MYO18B: variants seen among roughly 807,000 people sequenced by gnomAD.
MYO18B encodes unconventional myosin-XVIIIb.
A neutral mutation model predicts 273.0 loss-of-function variants in MYO18B; 204 were observed. The observed-to-expected ratio is 0.75, with a 90% CI of 0.67 to 0.84. The LOEUF is 0.84. Ranked by LOEUF, MYO18B falls within the 40% of genes least tolerant of loss-of-function variation. The pLI, the probability that MYO18B is intolerant of heterozygous loss-of-function variation, is 0.00. For missense variants in MYO18B, 3,212 were observed against 3,287.6 expected (o/e 0.98, Z 0.56); for synonymous variants, 1,330 against 1,305.7 (o/e 1.02, Z -0.40).
At chr22:25,876,537 C>T (rs1344480605) in intron 24 of MYO18B, among the ~76,000 whole-genome samples, 1 of 152,176 alleles carries the variant, frequency 6.6e-6, no homozygotes, top group Admixed American at 6.5e-5. Context: ...CCTCTCTAGG[C>T]TGTGGGTGTT....
chr22:25,812,088 G>A (rs2088786943), intron 12 of MYO18B, among the ~76,000 whole-genome samples: 1 of 150,378 alleles, frequency 6.6e-6, no homozygotes, highest in South Asian at 2.2e-4. Context: ...CACAAAGCTG[G>A]ACTCTCTGTC....
chr22:25,879,953 G>A (rs982226689), intron 25 of MYO18B, among the ~76,000 whole-genome samples: 17 of 152,102 alleles, frequency 1.1e-4, no homozygotes, highest in African/African-American at 1.2e-4. Context: ...GAACAGCAAG[G>A]GGGAAATCTG....
Position 25,763,303 on chromosome 22 carries a change from A to G in MYO18B, c.112A>G (p.Ile38Val), listed in dbSNP as rs746711853. 24 of 1,613,208 alleles carry G rather than the reference A, an allele frequency of 1.5e-5. No homozygotes were observed. Among genetic ancestry groups the G allele is most frequent in the Middle Eastern group, 3.3e-4 (2 of 6,044 alleles). ...TTTCTCTGTCATCCCAGGGGGCTTC[A>G]TTAAGCAACTGGTCCGGGGGACTGA... ...PLFSVIPGGF[I>V]KQLVRGTEKE... Residue 38 changes from isoleucine (I) to valine (V), a missense_variant, in exon 3 of 44, where the codon ATT (isoleucine) becomes GTT (valine). Transcript: ENST00000335473.
At chr22:26,061,713 C>G in the MYO18B span, among the ~76,000 whole-genome samples, 1 of 151,642 alleles carries the variant, frequency 6.6e-6, no homozygotes, top group Non-Finnish European at 1.5e-5. Flanking sequence ...TCTTCTGATG[C>G]TCTTTGCTTG....
intron 12 of MYO18B, among the ~76,000 whole-genome samples, chr22:25,822,276 T>C (rs2089311358): frequency 6.6e-6 from 1 of 152,212 alleles, no homozygotes; most frequent in Non-Finnish European, 1.5e-5. Flanking sequence ...TTCTCACCTT[T>C]CATAGCTCAG....
chr22:25,915,769 G>A (rs941733496), intron 33 of MYO18B, among the ~76,000 whole-genome samples: 1 of 152,120 alleles, frequency 6.6e-6, no homozygotes, highest in African/African-American at 2.4e-5. Flanking sequence ...TTAGTCATAT[G>A]TTTTCAATAC....
chr22:25,771,319 A>T (rs937466034), intron 6 of MYO18B, among the ~76,000 whole-genome samples: 1 of 152,186 alleles, frequency 6.6e-6, no homozygotes, highest in African/African-American at 2.4e-5. Flanking sequence ...GATATTGCAA[A>T]TCATACTACA....
At chr22:26,053,763 A>G in the MYO18B span, among the ~76,000 whole-genome samples, 1 of 152,192 alleles carries the variant, frequency 6.6e-6, no homozygotes, top group Non-Finnish European at 1.5e-5. Flanking sequence ...GATGCTCAAG[A>G]GACTGAGTCC....
intron 39 of MYO18B, among the ~76,000 whole-genome samples, chr22:25,956,320 ATTCTCGTGGCTCAGC>A (rs1456619865): frequency 6.7e-6 from 1 of 150,370 alleles, no homozygotes; most frequent in Non-Finnish European, 1.5e-5. Context: ...GGTTCAAGCG[ATTCTCGTGGCTCAGC>A]TTCCTGAGTA....
chr22:25,982,131 C>T (rs1370339870), intron 39 of MYO18B, among the ~76,000 whole-genome samples: 1 of 152,124 alleles, frequency 6.6e-6, no homozygotes, highest in Non-Finnish European at 1.5e-5. Context: ...AAGGGGAAAT[C>T]CACCCCCATG....
At chr22:25,882,884 A>G (rs2091384847) in intron 25 of MYO18B, among the ~76,000 whole-genome samples, 1 of 151,964 alleles carries the variant, frequency 6.6e-6, no homozygotes, top group African/African-American at 2.4e-5. Context: ...CTCTTTTTTA[A>G]TTAGTTAATT....
At chr22:25,976,958 A>G (rs1244483493) in intron 39 of MYO18B, among the ~76,000 whole-genome samples, 2 of 152,188 alleles carry the variant, frequency 1.3e-5, no homozygotes. Flanking sequence ...ATGATAGATA[A>G]TTATCTCCTA....
At chr22:25,888,885 G>A (rs557148059) in intron 25 of MYO18B, among the ~76,000 whole-genome samples, 4 of 152,364 alleles carry the variant, frequency 2.6e-5, no homozygotes, top group Non-Finnish European at 5.9e-5. Flanking sequence ...GGCTGGAGAA[G>A]TGAAACAGAT....
At chr22:26,046,348 G>A in the MYO18B span, among the ~76,000 whole-genome samples, 1 of 152,150 alleles carries the variant, frequency 6.6e-6, no homozygotes, top group South Asian at 2.1e-4. Context: ...GGGAGAGAAG[G>A]CAATTTCACC....
At position 26,027,771 on chromosome 22, in the gene MYO18B, T is replaced by A; in HGVS notation, c.*12+81T>A. 1 of 1,392,388 alleles carries A rather than the reference T, an allele frequency of 7.2e-7. No homozygotes were observed. The highest frequency in any genetic ancestry group is 2.5e-5 in the East Asian group (1 of 40,012). 86.3% of individuals were successfully genotyped at this position (1,392,388 alleles called of 1,614,324 possible). A position where few individuals can be genotyped will look rare whatever the true frequency, so the allele number is the denominator to read the frequency against. ...TTGGGGAGAGCAGGTGCCACTACTG[T>A]CCTTAATGCCACAACCGATTTCTCT... On this transcript the variant is annotated intron_variant, in intron 43 of 43. Transcript: ENST00000335473. The surrounding 1 kb of genome is among the most constrained non-coding windows in gnomAD (Gnocchi z 4.1).
At position 26,027,167 on chromosome 22, in the gene MYO18B, A is replaced by G; in HGVS notation, c.7193A>G (p.Asp2398Gly). 2 of 1,613,846 alleles carry G rather than the reference A, an allele frequency of 1.2e-6. No homozygotes were observed. The highest frequency in any genetic ancestry group is 1.7e-6 in the Non-Finnish European group (2 of 1,179,850). Reference sequence around the variant, plus strand: ...TCTGTGGACGATGCGGGCTGTCCAGACCTTGGAAAGGAGCCGCTTGTTTTC... The same window carrying G: ...TCTGTGGACGATGCGGGCTGTCCAGGCCTTGGAAAGGAGCCGCTTGTTTTC... ...ESSVDDAGCP[D>G]LGKEPLVFQN... Residue 2398 changes from aspartate (D) to glycine (G), a missense_variant, in exon 43 of 44, where the codon GAC becomes GGC. Asp to Gly is a moderately conservative substitution (Grantham distance 94). Transcript: ENST00000335473. The surrounding 1 kb of genome is among the most constrained non-coding windows in gnomAD (Gnocchi z 4.1).
intron 39 of MYO18B, among the ~76,000 whole-genome samples, chr22:25,960,922 G>A (rs1470804358): frequency 6.6e-6 from 1 of 152,086 alleles, no homozygotes; most frequent in African/African-American, 2.4e-5. Context: ...GGACGAGTGG[G>A]AGGATCACTT....
At chr22:25,820,791 T>G (rs1332926975) in intron 12 of MYO18B, among the ~76,000 whole-genome samples, 1 of 152,188 alleles carries the variant, frequency 6.6e-6, no homozygotes, top group Non-Finnish European at 1.5e-5. Flanking sequence ...AGCTGTGATT[T>G]TGTGTCCTTT....
intron 29 of MYO18B, among the ~76,000 whole-genome samples, 192 bp from the exon 30 acceptor site, chr22:25,902,421 C>T (rs1438528213): frequency 3.3e-5 from 5 of 152,246 alleles, no homozygotes; most frequent in Admixed American, 3.3e-4. Context: ...CCTACATCCA[C>T]AGCCTTACGT....
Sources: allele counts gnomAD v4.1 joint callset (sites outside exome capture counted in the v4.1 genomes callset), GRCh38; gene constraint gnomAD v4.1.1; non-coding constraint Gnocchi (gnomAD v3.1); transcripts MANE v1.5; gene names NCBI Gene and HGNC (gene_info 2026-07-23, HGNC 2026-07-21).